SPIDR: variants seen among roughly 807,000 people sequenced by gnomAD.
SPIDR encodes the protein scaffold protein involved in DNA repair, also known as DNA repair-scaffolding protein.
SPIDR carries 93 observed loss-of-function variants against 104.6 expected under a neutral mutation model. The ratio of observed to expected loss-of-function variants is 0.89; its 90% CI spans 0.75 to 1.06. The LOEUF (loss-of-function observed/expected upper bound fraction) is 1.06, where lower values mean the gene tolerates loss of function less well. Among genes scored for constraint, SPIDR ranks in the 50% least tolerant of loss-of-function variants. The pLI is 0.00. For missense variants in SPIDR, 1,154 were observed against 1,111.2 expected (o/e 1.04, Z -0.55); for synonymous variants, 431 against 416.9 (o/e 1.03, Z -0.41).
intron 5 of SPIDR, among the ~76,000 whole-genome samples, chr8:47,330,163 CT>C (rs1440552444): frequency 2.0e-5 from 3 of 150,092 alleles, no homozygotes; most frequent in Non-Finnish European, 4.4e-5. Flanking sequence ...TTTATCATGC[CT>C]TCATTTTTTT....
chr8:47,443,190 C>T (rs1360443439), intron 8 of SPIDR, among the ~76,000 whole-genome samples: 1 of 151,934 alleles, frequency 6.6e-6, no homozygotes, highest in Non-Finnish European at 1.5e-5. Context: ...TGGATCTTAC[C>T]AAACAACCCC....
At chr8:47,401,949 T>C (rs908498389) in intron 6 of SPIDR, among the ~76,000 whole-genome samples, 6 of 152,082 alleles carry the variant, frequency 3.9e-5, no homozygotes, top group Admixed American at 2.0e-4. Context: ...AACAAGGATA[T>C]CCAGGAATTG....
intron 5 of SPIDR, among the ~76,000 whole-genome samples, chr8:47,313,552 G>GA (rs2044652709): frequency 1.3e-5 from 2 of 152,254 alleles, no homozygotes; most frequent in East Asian, 3.9e-4. Context: ...CACAGAATTG[G>GA]AAAAAACTAC....
At chr8:47,581,840 A>G (rs540037837) in intron 8 of SPIDR, among the ~76,000 whole-genome samples, 6 of 152,268 alleles carry the variant, frequency 3.9e-5, no homozygotes, top group Admixed American at 3.3e-4. Flanking sequence ...TTAATCCACT[A>G]ATCCTCTTTG....
intron 5 of SPIDR, among the ~76,000 whole-genome samples, chr8:47,352,562 A>G (rs538907309): frequency 6.6e-6 from 1 of 152,218 alleles, no homozygotes; most frequent in East Asian, 1.9e-4. Flanking sequence ...GTAGACTGCT[A>G]AATGTTTGTG....
At chr8:47,647,735 A>G (rs2070804928) in intron 10 of SPIDR, among the ~76,000 whole-genome samples, 1 of 151,834 alleles carries the variant, frequency 6.6e-6, no homozygotes, top group Non-Finnish European at 1.5e-5. Context: ...AAGATAAGGG[A>G]CAGTGAAGGT....
intron 5 of SPIDR, among the ~76,000 whole-genome samples, chr8:47,316,725 G>A (rs1322549372): frequency 1.3e-5 from 2 of 152,142 alleles, no homozygotes; most frequent in African/African-American, 4.8e-5. Flanking sequence ...AGTCTTAGAG[G>A]AACTTGCTGG....
intron 8 of SPIDR, among the ~76,000 whole-genome samples, chr8:47,501,703 G>T (rs4486659): frequency 3.9e-5 from 6 of 151,946 alleles, no homozygotes; most frequent in African/African-American, 9.7e-5. Context: ...GGTGAGAGAG[G>T]GCATCCCTGT....
intron 11 of SPIDR, among the ~76,000 whole-genome samples, chr8:47,696,078 C>T (rs554335196): frequency 6.6e-6 from 1 of 152,242 alleles, no homozygotes; most frequent in African/African-American, 2.4e-5. Context: ...ATGGAGGCAC[C>T]CAGTTAAAGT....
At chr8:47,532,260 G>T (rs1263745381) in intron 8 of SPIDR, among the ~76,000 whole-genome samples, 1 of 151,678 alleles carries the variant, frequency 6.6e-6, no homozygotes, top group African/African-American at 2.4e-5. Context: ...GTAGAGATGG[G>T]GTTTCTCCAT....
intron 5 of SPIDR, among the ~76,000 whole-genome samples, chr8:47,363,854 T>C (rs879950369): frequency 1.6e-4 from 25 of 151,656 alleles, no homozygotes; most frequent in Non-Finnish European, 2.9e-4. Flanking sequence ...TTTTTTTTTT[T>C]TCTCTCTCTG....
intron 14 of SPIDR, 60 bp downstream of exon 14, chr8:47,702,075 TCTCTCTCTCTCTCTCTCTCTCTTA>T (rs1485220244): frequency 1.1e-4 from 67 of 613,018 alleles, no homozygotes; most frequent in African/African-American, 7.5e-4. Context: ...TCTCTCTCTC[TCTCTCTCTCTCTCTCTCTCTCTTA>T]CACACACACA....
At chr8:47,373,024 A>T (rs1554639933) in intron 5 of SPIDR, among the ~76,000 whole-genome samples, 1 of 152,178 alleles carries the variant, frequency 6.6e-6, no homozygotes, top group African/African-American at 2.4e-5. Flanking sequence ...ATCTCCAAGA[A>T]TGTATTTCTT....
intron 1 of SPIDR, among the ~76,000 whole-genome samples, chr8:47,263,190 G>A (rs2032963189): frequency 6.6e-6 from 1 of 152,198 alleles, no homozygotes. Context: ...GTCTGCCCCA[G>A]ACCTTGCTTT....
intron 10 of SPIDR, among the ~76,000 whole-genome samples, chr8:47,651,850 G>A (rs1016618614): frequency 6.6e-6 from 1 of 152,138 alleles, no homozygotes; most frequent in Non-Finnish European, 1.5e-5. Flanking sequence ...AAGTAACTCA[G>A]GAATGGAAAA....
intron 8 of SPIDR, among the ~76,000 whole-genome samples, chr8:47,533,571 C>G (rs887477196): frequency 6.6e-6 from 1 of 151,938 alleles, no homozygotes; most frequent in Non-Finnish European, 1.5e-5. Context: ...AACAAATTTA[C>G]AAGAGAAAAC....
chr8:47,600,062 A>C (rs2062071225), intron 10 of SPIDR, among the ~76,000 whole-genome samples: 1 of 152,188 alleles, frequency 6.6e-6, no homozygotes, highest in Admixed American at 6.5e-5. Context: ...CCAGTCTGGC[A>C]TAGCCTTTTG....
intron 11 of SPIDR, among the ~76,000 whole-genome samples, chr8:47,682,761 T>C (rs1179679434): frequency 1.3e-5 from 2 of 152,184 alleles, no homozygotes; most frequent in African/African-American, 4.8e-5. Context: ...AAGGAGGAAA[T>C]GCCAGTTATT....
At chr8:47,702,864 C>T (rs532832978) in intron 14 of SPIDR, among the ~76,000 whole-genome samples, 60 of 152,268 alleles carry the variant, frequency 3.9e-4, no homozygotes, top group African/African-American at 1.3e-3. Flanking sequence ...CCTGGGCTGT[C>T]GGTGGATCAC....
Sources: allele counts gnomAD v4.1 joint callset (sites outside exome capture counted in the v4.1 genomes callset), GRCh38; gene constraint gnomAD v4.1.1; transcripts MANE v1.5; gene names NCBI Gene and HGNC (gene_info 2026-07-23, HGNC 2026-07-21).